The following ITPRID1 variants were observed in gnomAD, a reference collection of about 807,000 sequenced individuals.
ITPRID1 encodes the protein protein ITPRID1.
Under a neutral mutation model 95.4 loss-of-function variants are expected in ITPRID1, and 96 were observed. The ratio of observed to expected loss-of-function variants is 1.01; its 90% CI spans 0.85 to 1.19. The LOEUF is 1.19. Ranked by LOEUF, ITPRID1 falls within the 50% of genes most tolerant of loss-of-function variation. The pLI, the probability that ITPRID1 is intolerant of heterozygous loss-of-function variation, is 0.00. For synonymous variants in ITPRID1, 510 were observed against 453.6 expected, an observed-to-expected ratio of 1.12 and a Z score of -1.58; for missense variants, 1,339 against 1,252.9, an observed-to-expected ratio of 1.07 and a Z score of -1.04.
chr7:31,587,214 T>C (rs1001475183), intron 10 of ITPRID1, among the ~76,000 whole-genome samples: 2 of 152,218 alleles, frequency 1.3e-5, no homozygotes, highest in Non-Finnish European at 2.9e-5. Context: ...TGTTTGCAGA[T>C]GATATGATTG....
intron 1 of ITPRID1, among the ~76,000 whole-genome samples, chr7:31,530,519 A>G (rs1311313347): frequency 6.6e-6 from 1 of 152,176 alleles, no homozygotes; most frequent in African/African-American, 2.4e-5. Context: ...TTATAAATAA[A>G]TAGGTCACAG....
intron 1 of ITPRID1, among the ~76,000 whole-genome samples, chr7:31,542,980 C>T (rs1783979933): frequency 6.6e-6 from 1 of 152,106 alleles, no homozygotes; most frequent in Admixed American, 6.6e-5. Context: ...TTTTTAAATA[C>T]AGATTGCACA....
intron 5 of ITPRID1, among the ~76,000 whole-genome samples, chr7:31,568,056 G>A (rs1382941127): frequency 2.6e-5 from 4 of 151,626 alleles, no homozygotes; most frequent in African/African-American, 9.7e-5. Context: ...AACTCGGGAG[G>A]CAGAGTTTGC....
intron 5 of ITPRID1, among the ~76,000 whole-genome samples, chr7:31,555,909 T>C (rs1479257850): frequency 6.6e-6 from 1 of 152,186 alleles, no homozygotes; most frequent in Admixed American, 6.5e-5. Context: ...TTTTCTAATA[T>C]AAAAGTTCCA....
Position 31,642,817 on chromosome 7 carries a change from A to G in ITPRID1, c.1447A>G (p.Met483Val), listed in dbSNP as rs765305248. The G allele has an allele frequency of 9.3e-6, 15 of 1,613,806 alleles. No individual in the cohort carries two copies. The South Asian group carries it at 1.5e-4, about 17-fold the overall frequency. The change falls in exon 12 of 15, where the codon ATG becomes GTG. Residue 483 changes from methionine to valine, a missense_variant. Physicochemically the swap from Met to Val is conservative, Grantham distance 21. Transcript: ENST00000615280. Reference sequence around the variant, plus strand: ...GCCAGATTCCAAAAGTAGGGCGAGCATGTCTTTTTCAAGCCAAGAAGCGAA... The same window carrying G: ...GCCAGATTCCAAAAGTAGGGCGAGCGTGTCTTTTTCAAGCCAAGAAGCGAA... ...DGPDSKSRAS[M>V]SFSSQEANAL... is the part of the protein sequence containing the mutation.
chr7:31,602,401 T>C (rs1446951710), intron 10 of ITPRID1, among the ~76,000 whole-genome samples: 5 of 152,278 alleles, frequency 3.3e-5, no homozygotes, highest in Non-Finnish European at 7.4e-5. Flanking sequence ...TTTGTGACTT[T>C]TTTTTACCAT....
At chr7:31,562,193 G>T (rs1784648974) in intron 5 of ITPRID1, among the ~76,000 whole-genome samples, 1 of 152,040 alleles carries the variant, frequency 6.6e-6, no homozygotes, top group East Asian at 1.9e-4. Context: ...ATGCGAGTGA[G>T]AGTGCATTGT....
chr7:31,519,625 T>TCC (rs1203882141), intron 1 of ITPRID1, among the ~76,000 whole-genome samples: 4 of 100,388 alleles, frequency 4.0e-5, no homozygotes, highest in Admixed American at 1.1e-4. Flanking sequence ...TCTCTCTATA[T>TCC]ATATATATAT....
intron 5 of ITPRID1, among the ~76,000 whole-genome samples, chr7:31,568,441 T>TA (rs1256684736): frequency 6.6e-6 from 1 of 152,202 alleles, no homozygotes; most frequent in Non-Finnish European, 1.5e-5. Context: ...TTTCTTATGG[T>TA]AAAAATCTTT....
chr7:31,646,764 G>C (rs966627390), intron 12 of ITPRID1, among the ~76,000 whole-genome samples: 3 of 152,202 alleles, frequency 2.0e-5, no homozygotes, highest in African/African-American at 7.2e-5. Flanking sequence ...TCAGACGTGG[G>C]TAGATTTTAA....
intron 1 of ITPRID1, among the ~76,000 whole-genome samples, chr7:31,524,943 A>G (rs1783377924): frequency 6.6e-6 from 1 of 152,160 alleles, no homozygotes; most frequent in African/African-American, 2.4e-5. Context: ...ACAAAAGGTA[A>G]GATTCAGGTT....
intron 10 of ITPRID1, among the ~76,000 whole-genome samples, chr7:31,623,982 C>A (rs1788188308): frequency 6.7e-6 from 1 of 149,126 alleles, no homozygotes; most frequent in Admixed American, 6.7e-5. Context: ...CAATAACAGA[C>A]AAACAGAGAG....
At chr7:31,598,652 C>A (rs544608455) in intron 10 of ITPRID1, among the ~76,000 whole-genome samples, 54 of 152,202 alleles carry the variant, frequency 3.5e-4, no homozygotes, top group Non-Finnish European at 6.9e-4. Flanking sequence ...ATCCGCCCGC[C>A]TTGGCCTCCC....
rs966317086 is a variant in ITPRID1, at chr7:31,554,624, G to C, written c.212+101G>C. The C allele has an allele frequency of 3.5e-6, 5 of 1,418,050 alleles. No individual in the cohort carries two copies. The African/African-American group carries it at 4.3e-5, about 12-fold the overall frequency. The allele number at this position is 1,418,050 out of a possible 1,614,324, so 87.8% of individuals were successfully genotyped here. A position where few individuals can be genotyped will look rare whatever the true frequency, so the allele number is the denominator to read the frequency against. ...CTGGGCAAGGTCGGGGAAGTGTAGGGATTTTCATTTTAATTGTACGTGAAG... is the reference window on the plus strand; with the variant it reads ...CTGGGCAAGGTCGGGGAAGTGTAGGCATTTTCATTTTAATTGTACGTGAAG... On this transcript the variant is annotated intron_variant, in intron 4 of 14. Coordinates refer to ENST00000615280, the MANE Select transcript of ITPRID1 (RefSeq NM_001257967.3).
Position 31,634,592 on chromosome 7 carries a change from T to C in ITPRID1, c.1229-7584T>C, listed in dbSNP as rs1472919421. 2.0e-5 allele frequency among the ~76,000 whole-genome samples: 3 copies of C among 152,188 alleles called. No homozygotes were observed. In the East Asian group the frequency reaches 5.8e-4, roughly 29 times the overall value. Reference sequence around the variant, plus strand: ...TTCAAATTTTCTAGATGGTTCAGCATGGAGCCTAACTAGATTTCAATAGCA... The same window carrying C: ...TTCAAATTTTCTAGATGGTTCAGCACGGAGCCTAACTAGATTTCAATAGCA... On this transcript the variant is annotated intron_variant, in intron 10 of 14. Coordinates refer to ENST00000615280, the MANE Select transcript of ITPRID1 (RefSeq NM_001257967.3).
intron 10 of ITPRID1, among the ~76,000 whole-genome samples, chr7:31,608,557 ATGTATAAGTCT>A (rs1284857329): frequency 6.6e-6 from 1 of 151,830 alleles, no homozygotes; most frequent in African/African-American, 2.4e-5. Flanking sequence ...GTAGTTTTAC[ATGTATAAGTCT>A]TGTAGTTCTT....
At chr7:31,638,513 A>T (rs1562643108) in intron 10 of ITPRID1, among the ~76,000 whole-genome samples, 1 of 151,980 alleles carries the variant, frequency 6.6e-6, no homozygotes, top group Non-Finnish European at 1.5e-5. Flanking sequence ...GACATTGTTA[A>T]TTTTTTTTGT....
chr7:31,611,057 G>T (rs1031708278), intron 10 of ITPRID1, among the ~76,000 whole-genome samples: 5 of 150,418 alleles, frequency 3.3e-5, no homozygotes, highest in African/African-American at 1.2e-4. Context: ...CTGCATTTTT[G>T]AGTTAAACGG....
chr7:31,595,923 CAAAT>C (rs1474199780), intron 10 of ITPRID1, among the ~76,000 whole-genome samples: 2 of 151,702 alleles, frequency 1.3e-5, no homozygotes, highest in African/African-American at 4.8e-5. Flanking sequence ...ATATAGAAAA[CAAAT>C]AACCTAATAT....
Sources: gnomAD v4.1 joint callset for allele counts (sites outside exome capture counted in the v4.1 genomes callset) on GRCh38, gnomAD v4.1.1 for gene constraint, MANE v1.5 for transcripts, NCBI Gene and HGNC (gene_info 2026-07-23, HGNC 2026-07-21) for gene names.